GRID1: variants seen among roughly 807,000 people sequenced by gnomAD.
GRID1 encodes glutamate receptor ionotropic, delta-1.
Under a neutral mutation model 98.0 loss-of-function variants are expected in GRID1, and 28 were observed. The ratio of observed to expected loss-of-function variants is 0.29; its 90% CI spans 0.21 to 0.39. The LOEUF (loss-of-function observed/expected upper bound fraction) is 0.39, where lower values mean the gene tolerates loss of function less well. Among genes scored for constraint, GRID1 ranks in the 10% least tolerant of loss-of-function variants. The pLI is 1.00. For missense variants in GRID1, 1,111 were observed against 1,340.5 expected (o/e 0.83, Z 2.67); for synonymous variants, 553 against 538.5 (o/e 1.03, Z -0.37).
chr10:86,348,012 C>A (rs1450646640), intron 2 of GRID1, among the ~76,000 whole-genome samples: 1 of 152,186 alleles, frequency 6.6e-6, no homozygotes, highest in African/African-American at 2.4e-5. Context: ...TCTAGACAGG[C>A]TCCCCCAGGA....
At chr10:85,843,675 C>T (rs1260411996) in intron 8 of GRID1, among the ~76,000 whole-genome samples, 5 of 151,864 alleles carry the variant, frequency 3.3e-5, no homozygotes, top group South Asian at 2.1e-4. Context: ...GGCAAATAGG[C>T]AAACATGCAC....
intron 8 of GRID1, among the ~76,000 whole-genome samples, chr10:85,816,797 T>C (rs1015024061): frequency 6.6e-6 from 1 of 152,196 alleles, no homozygotes; most frequent in African/African-American, 2.4e-5. Context: ...AATAATTTCA[T>C]CATCCAGGTA....
chr10:86,004,749 C>CAA (rs1842841158), intron 4 of GRID1, among the ~76,000 whole-genome samples: 1 of 151,362 alleles, frequency 6.6e-6, no homozygotes, highest in East Asian at 1.9e-4. Context: ...CTCACACACA[C>CAA]ACACACACAG....
intron 4 of GRID1, among the ~76,000 whole-genome samples, chr10:85,975,552 G>T (rs1842461526): frequency 6.6e-6 from 1 of 152,228 alleles, no homozygotes; most frequent in African/African-American, 2.4e-5. Context: ...CTCATCTGTG[G>T]TTGGGATCAA....
chr10:85,741,646 C>T (rs72841467), intron 8 of GRID1, among the ~76,000 whole-genome samples: 211 of 152,242 alleles, frequency 1.4e-3, no homozygotes, highest in Non-Finnish European at 1.8e-3. Flanking sequence ...CTCCCTCAAT[C>T]CAGCTGCCAG....
intron 3 of GRID1, among the ~76,000 whole-genome samples, chr10:86,164,440 A>T (rs1845368662): frequency 6.6e-6 from 1 of 152,228 alleles, no homozygotes; most frequent in Non-Finnish European, 1.5e-5. Flanking sequence ...TAATTCATTC[A>T]TGCACAGGAT....
chr10:85,885,310 A>G (rs1841096985), intron 5 of GRID1, among the ~76,000 whole-genome samples: 1 of 152,176 alleles, frequency 6.6e-6, no homozygotes, highest in South Asian at 2.1e-4. Context: ...AGGGGATAAG[A>G]TGTGATTTCC....
intron 12 of GRID1, among the ~76,000 whole-genome samples, chr10:85,714,883 G>GA (rs533864009): frequency 7.5e-4 from 113 of 151,634 alleles, no homozygotes; most frequent in African/African-American, 2.2e-3. Flanking sequence ...CACAGAAATG[G>GA]AAAAAAAATC....
At chr10:86,189,280 G>A (rs183841086) in intron 3 of GRID1, among the ~76,000 whole-genome samples, 1 of 152,092 alleles carries the variant, frequency 6.6e-6, no homozygotes, top group East Asian at 1.9e-4. Context: ...GACCTTTGGG[G>A]AACTTCTGAT....
chr10:86,113,446 C>T (rs1202606468), intron 4 of GRID1, among the ~76,000 whole-genome samples: 1 of 152,074 alleles, frequency 6.6e-6, no homozygotes, highest in African/African-American at 2.4e-5. Context: ...CTTCTCAGGC[C>T]TGACTCCAGC....
At chr10:86,003,836 A>G (rs1842829102) in intron 4 of GRID1, among the ~76,000 whole-genome samples, 1 of 152,258 alleles carries the variant, frequency 6.6e-6, no homozygotes, top group Non-Finnish European at 1.5e-5. Flanking sequence ...TGTGAAAAAT[A>G]AAGTGTAACG....
chr10:85,850,856 A>G (rs964436450), intron 8 of GRID1, among the ~76,000 whole-genome samples: 1 of 152,222 alleles, frequency 6.6e-6, no homozygotes, highest in African/African-American at 2.4e-5. Flanking sequence ...AAGTTGTGCA[A>G]AAACTCAGGA....
rs1013383871 is a variant in GRID1 at position 85,916,829 on chromosome 10, C to T, written c.727-590G>A. 2.0e-5 allele frequency among the ~76,000 whole-genome samples: 3 copies of T among 152,174 alleles called. No individual in the cohort carries two copies. Among genetic ancestry groups the T allele is most frequent in the Admixed American group, 2.0e-4 (3 of 15,278 alleles). The stretch of plus-strand genomic sequence containing the variant: ...TGTTCTGTTTCTTTATGGCACTTGC[C>T]ATCTTTGTGCTTGAATGGCTATCAG... On this transcript the variant is annotated intron_variant, in intron 4 of 15. Coordinates refer to ENST00000327946, the MANE Select transcript of GRID1 (RefSeq NM_017551.3). This position sits in a 1 kb window ranked among gnomAD's most constrained non-coding sequence, Gnocchi z 4.0.
At chr10:86,071,699 G>A (rs1323097086) in intron 4 of GRID1, among the ~76,000 whole-genome samples, 3 of 152,184 alleles carry the variant, frequency 2.0e-5, no homozygotes, top group Admixed American at 1.3e-4. Context: ...GGCATGCTGA[G>A]GGAGGTGGTG....
chr10:85,730,316 GAC>G (rs1564572801), intron 8 of GRID1, among the ~76,000 whole-genome samples: 1 of 152,238 alleles, frequency 6.6e-6, no homozygotes, highest in Non-Finnish European at 1.5e-5. Flanking sequence ...ACAATGAGGA[GAC>G]ACAGTTGTTC....
intron 3 of GRID1, among the ~76,000 whole-genome samples, chr10:86,176,826 G>T (rs1845582285): frequency 6.6e-6 from 1 of 152,128 alleles, no homozygotes; most frequent in Non-Finnish European, 1.5e-5. Flanking sequence ...GGTGCAGATG[G>T]AGGAGTAGAT....
intron 3 of GRID1, among the ~76,000 whole-genome samples, chr10:86,167,318 A>G (rs1471140191): frequency 6.6e-6 from 1 of 152,244 alleles, no homozygotes; most frequent in African/African-American, 2.4e-5. Flanking sequence ...GGAAGACTGA[A>G]GGCCTGAGTG....
chr10:85,907,840 T>G (rs1841483952), intron 5 of GRID1, among the ~76,000 whole-genome samples: 1 of 152,180 alleles, frequency 6.6e-6, no homozygotes, highest in African/African-American at 2.4e-5. Context: ...ATATGAAAAG[T>G]AGGTTTTATC....
intron 2 of GRID1, among the ~76,000 whole-genome samples, chr10:86,357,234 G>T (rs1205439853): frequency 6.6e-6 from 1 of 152,228 alleles, no homozygotes; most frequent in Non-Finnish European, 1.5e-5. Flanking sequence ...GGGAGGGAGG[G>T]CTCAGAGAGC....
Sources: gnomAD v4.1 joint callset for allele counts (sites outside exome capture counted in the v4.1 genomes callset) on GRCh38, gnomAD v4.1.1 for gene constraint, Gnocchi (gnomAD v3.1) non-coding constraint, MANE v1.5 for transcripts, NCBI Gene and HGNC (gene_info 2026-07-23, HGNC 2026-07-21) for gene names.